Variants in TEAD1 observed in about 807,000 individuals in gnomAD.
The protein encoded by TEAD1 is TEA domain transcription factor 1.
TEAD1 carries 9 observed loss-of-function variants against 54.9 expected under a neutral mutation model. The observed-to-expected ratio is 0.16, with a 90% CI of 0.10 to 0.29. The LOEUF is 0.29. Among genes scored for constraint, TEAD1 ranks in the 10% least tolerant of loss-of-function variants. The pLI, the probability that TEAD1 is intolerant of heterozygous loss-of-function variation, is 1.00. For missense variants in TEAD1, 387 were observed against 535.9 expected (o/e 0.72, Z 2.74); for synonymous variants, 200 against 187.8 (o/e 1.07, Z -0.53).
intron 3 of TEAD1, among the ~76,000 whole-genome samples, chr11:12,805,685 A>G (rs4536195): frequency 0.25 from 37,734 of 152,028 alleles, 5,592 homozygotes; most frequent in East Asian, 0.76. Flanking sequence ...TAGTTTTAAG[A>G]CAGCCCATGG....
intron 10 of TEAD1, among the ~76,000 whole-genome samples, chr11:12,911,895 G>A (rs1948624967): frequency 6.6e-6 from 1 of 151,992 alleles, no homozygotes. Flanking sequence ...CCTTTCTAAG[G>A]GAGCGTACCC....
At chr11:12,936,134 C>T (rs557902227) in intron 12 of TEAD1, among the ~76,000 whole-genome samples, 89 of 152,204 alleles carry the variant, frequency 5.8e-4, no homozygotes, top group African/African-American at 2.0e-3. Flanking sequence ...GTCACTGACG[C>T]GTTTCATGTT....
intron 2 of TEAD1, among the ~76,000 whole-genome samples, chr11:12,733,996 T>G (rs1944474797): frequency 6.6e-6 from 1 of 152,226 alleles, no homozygotes; most frequent in Non-Finnish European, 1.5e-5. Flanking sequence ...AATAGCTTAT[T>G]GCAGCCTTGA....
intron 10 of TEAD1, among the ~76,000 whole-genome samples, chr11:12,923,480 A>G (rs988235826): frequency 6.6e-6 from 1 of 152,080 alleles, no homozygotes; most frequent in Non-Finnish European, 1.5e-5. Context: ...TGTAAGCCTC[A>G]CGAGAGCAGG....
At chr11:12,706,191 A>G (rs996930145) in intron 2 of TEAD1, among the ~76,000 whole-genome samples, 2 of 152,236 alleles carry the variant, frequency 1.3e-5, no homozygotes, top group Non-Finnish European at 2.9e-5. Flanking sequence ...CTCACTGAAC[A>G]TTGAATTATA....
chr11:12,748,890 C>T (rs1174172690), intron 2 of TEAD1, among the ~76,000 whole-genome samples: 4 of 151,778 alleles, frequency 2.6e-5, no homozygotes, highest in African/African-American at 9.7e-5. Context: ...GTCAAATGGA[C>T]GTTCTTGGTG....
intron 3 of TEAD1, among the ~76,000 whole-genome samples, chr11:12,818,906 G>C (rs1175533458): frequency 6.6e-6 from 1 of 152,208 alleles, no homozygotes; most frequent in African/African-American, 2.4e-5. Flanking sequence ...TTTTGCAAGA[G>C]AGCTACAAAT....
At chr11:12,884,434 G>A (rs149558254) in intron 9 of TEAD1, among the ~76,000 whole-genome samples, 14 of 152,138 alleles carry the variant, frequency 9.2e-5, no homozygotes, top group South Asian at 2.1e-4. Flanking sequence ...TTCTATTATC[G>A]GGAGACAGTG....
rs1949136139 is a variant in TEAD1 at position 12,939,052 on chromosome 11, G to A, written c.*1830G>A. 1 of 152,198 alleles carries A rather than the reference G, an allele frequency of 6.6e-6. No homozygotes were observed. The highest frequency in any genetic ancestry group is 6.5e-5 in the Admixed American group (1 of 15,290). The allele number at this position is 152,198 out of a possible 1,614,324, so 9.4% of individuals were successfully genotyped here. A position where few individuals can be genotyped will look rare whatever the true frequency, so the allele number is the denominator to read the frequency against. ...CTTGTGGTCCCTAACATGAGGATGT[G>A]GCTGGCTCGTGGGAAACAGCAAAAC... On this transcript the variant is annotated 3_prime_UTR_variant, in exon 13 of 13. Transcript: ENST00000527636.
At position 12,864,952 on chromosome 11, in the gene TEAD1, G is replaced by A. The variant is rs766438388; in HGVS notation, c.330+52G>A. The A allele has an allele frequency of 5.9e-5, 94 of 1,591,702 alleles. 1 individual carries two copies. The Middle Eastern group carries it at 9.9e-4, about 17-fold the overall frequency. Reference sequence around the variant, plus strand: ...GTGGTTGCTATGCATCTCACTTCCTGTTTTCCATGGTGACTGGTGAATGCC... The same window carrying A: ...GTGGTTGCTATGCATCTCACTTCCTATTTTCCATGGTGACTGGTGAATGCC... On this transcript the variant is annotated intron_variant, in intron 5 of 12. Transcript: ENST00000527636.
chr11:12,697,220 G>A (rs1397903876), intron 2 of TEAD1, among the ~76,000 whole-genome samples: 1 of 145,296 alleles, frequency 6.9e-6, no homozygotes, highest in Non-Finnish European at 1.5e-5. Context: ...CCTTTGGCAA[G>A]TGCTTCCCTG....
intron 2 of TEAD1, among the ~76,000 whole-genome samples, chr11:12,683,273 T>G (rs929522190): frequency 1.3e-5 from 2 of 152,348 alleles, no homozygotes; most frequent in African/African-American, 4.8e-5. Flanking sequence ...TCCTGCTGCA[T>G]CTTATCGGCA....
At chr11:12,752,267 T>C (rs145031217) in intron 2 of TEAD1, among the ~76,000 whole-genome samples, 1 of 151,574 alleles carries the variant, frequency 6.6e-6, no homozygotes, top group East Asian at 1.9e-4. Flanking sequence ...TAATTTTTAT[T>C]GAAGTCCAAC....
intron 2 of TEAD1, among the ~76,000 whole-genome samples, chr11:12,697,109 A>G (rs1448414111): frequency 6.6e-6 from 1 of 152,220 alleles, no homozygotes; most frequent in Admixed American, 6.5e-5. Context: ...GCACGGGGAA[A>G]GCAAGCCAGG....
rs1248768943 is a variant in TEAD1 at position 12,937,904 on chromosome 11, TC to T, written c.*683del. 1 of 152,434 alleles carries T rather than the reference TC, an allele frequency of 6.6e-6. No individual in the cohort carries two copies. Among genetic ancestry groups the T allele is most frequent in the African/African-American group, 2.4e-5 (1 of 41,404 alleles). 9.4% of individuals were successfully genotyped at this position (152,434 alleles called of 1,614,324 possible). ...CTTTTATCCTCAAGGTTAACACTAATCTCCTAATCCATTAAACTCTTGAACA... is the reference window on the plus strand; with the variant it reads ...CTTTTATCCTCAAGGTTAACACTAATTCCTAATCCATTAAACTCTTGAACA... On this transcript the variant is annotated 3_prime_UTR_variant, in exon 13 of 13. Coordinates refer to ENST00000527636, the MANE Select transcript of TEAD1 (RefSeq NM_021961.6).
At chr11:12,927,015 T>A (rs1948914900) in intron 11 of TEAD1, among the ~76,000 whole-genome samples, 1 of 152,218 alleles carries the variant, frequency 6.6e-6, no homozygotes, top group South Asian at 2.1e-4. Flanking sequence ...CCTGGACAGG[T>A]GCATTTGAGA....
chr11:12,799,778 A>G (rs887772182), intron 3 of TEAD1, among the ~76,000 whole-genome samples: 1 of 152,274 alleles, frequency 6.6e-6, no homozygotes, highest in South Asian at 2.1e-4. Flanking sequence ...GGGAAACCCT[A>G]TAGTCTGTTT....
chr11:12,718,703 A>G (rs772298869), intron 2 of TEAD1, among the ~76,000 whole-genome samples: 62 of 151,708 alleles, frequency 4.1e-4, no homozygotes, highest in Non-Finnish European at 8.2e-4. Context: ...TTTTTCTTTA[A>G]TTACACTCTT....
In TEAD1 at chr11:12,943,636, C is replaced by T. The variant is rs1165058409; in HGVS notation, c.*6414C>T. ...TGGGGTCAGATTCCATCAGATTCCA[C>T]CTCTGTCAGGTGGACTCTTGTCTGC... On this transcript the variant is annotated 3_prime_UTR_variant, in exon 13 of 13. Transcript: ENST00000527636. 1 of 152,172 alleles carries T rather than the reference C, an allele frequency of 6.6e-6. No homozygotes were observed. Among genetic ancestry groups the T allele is most frequent in the East Asian group, 1.9e-4 (1 of 5,190 alleles). 9.4% of individuals were successfully genotyped at this position (152,172 alleles called of 1,614,324 possible).
Sources: allele counts gnomAD v4.1 joint callset (sites outside exome capture counted in the v4.1 genomes callset), GRCh38; gene constraint gnomAD v4.1.1; transcripts MANE v1.5; gene names NCBI Gene and HGNC (gene_info 2026-07-23, HGNC 2026-07-21).